Variants in KLHL18 observed in about 807,000 individuals in gnomAD.
The protein encoded by KLHL18 is kelch like family member 18.
A neutral mutation model predicts 58.5 loss-of-function variants in KLHL18; 38 were observed. That is an observed-to-expected ratio of 0.65 (90% CI 0.50 to 0.85). KLHL18 has a LOEUF of 0.85. KLHL18 is among the 40% of genes least tolerant of loss of function. The pLI is 0.00. For synonymous variants in KLHL18, 303 were observed against 301.9 expected, an observed-to-expected ratio of 1.00 and a Z score of -0.04; for missense variants, 624 against 778.4, an observed-to-expected ratio of 0.80 and a Z score of 2.36.
At position 47,336,658 on chromosome 3, in the gene KLHL18, TCGGAGGATATGACGGC is replaced by T; in HGVS notation, c.1024_1039del (p.Gly342SerfsTer4). ...GTGGTGAACGGGCTTCTCTATGCCA[TCGGAGGATATGACGGC>T]CAGCTACGGCTGAGCACTGTGGAGG... On this transcript the variant is annotated frameshift_variant, in exon 7 of 10. Transcript: ENST00000232766. LOFTEE classifies it high-confidence loss of function. 6.2e-7 allele frequency: 1 copy of T among 1,614,194 alleles called. No homozygotes were observed. The highest frequency in any genetic ancestry group is 8.5e-7 in the Non-Finnish European group (1 of 1,180,042).
chr3:47,300,782 G>C (rs1377019116), intron 1 of KLHL18, among the ~76,000 whole-genome samples: 1 of 151,670 alleles, frequency 6.6e-6, no homozygotes, highest in Non-Finnish European at 1.5e-5. Context: ...TAGGATTCTA[G>C]GATGCGCCAC....
chr3:47,302,322 T>TA (rs1162605150), intron 1 of KLHL18, among the ~76,000 whole-genome samples: 8 of 152,058 alleles, frequency 5.3e-5, no homozygotes, highest in Admixed American at 3.9e-4. Flanking sequence ...CTGTCTCTAC[T>TA]AAAAATACAA....
At chr3:47,323,755 G>A (rs1481892391) in intron 3 of KLHL18, among the ~76,000 whole-genome samples, 1 of 152,152 alleles carries the variant, frequency 6.6e-6, no homozygotes, top group Non-Finnish European at 1.5e-5. Flanking sequence ...GCCTTCACCT[G>A]AGCCTACTCT....
rs755657146 is a variant in KLHL18 at position 47,319,791 on chromosome 3, A to ATC, written c.260+9_260+10dup. 13 of 1,612,496 alleles carry ATC rather than the reference A, an allele frequency of 8.1e-6. No homozygotes were observed. The Middle Eastern group carries it at 9.9e-4, about 122-fold the overall frequency. ...GCAAGGAATGGACCCAAGGTACTGA[A>ATC]TCCCACCATTAGGTTTCGCAGGCTG... On this transcript the variant is annotated intron_variant, in intron 2 of 9. Transcript: ENST00000232766.
In KLHL18 at chr3:47,282,955, G is replaced by T; in HGVS notation, c.-11G>T. 1 of 1,607,202 alleles carries T rather than the reference G, an allele frequency of 6.2e-7. No individual in the cohort carries two copies. Among genetic ancestry groups the T allele is most frequent in the South Asian group, 1.1e-5 (1 of 89,854 alleles). ...CCGGCGAGGCCTGCGCAGTTGCAGCGGCCGGGGAAGATGGTGGAGGACGGC... is the reference window on the plus strand; with the variant it reads ...CCGGCGAGGCCTGCGCAGTTGCAGCTGCCGGGGAAGATGGTGGAGGACGGC... On this transcript the variant is annotated 5_prime_UTR_variant, in exon 1 of 10. Coordinates refer to ENST00000232766, the MANE Select transcript of KLHL18 (RefSeq NM_025010.5).
chr3:47,329,250 C>T (rs188853043), intron 3 of KLHL18, among the ~76,000 whole-genome samples: 19 of 151,916 alleles, frequency 1.3e-4, no homozygotes, highest in African/African-American at 4.3e-4. Context: ...TGTTTTGAGA[C>T]GGAGTCTTGC....
intron 1 of KLHL18, among the ~76,000 whole-genome samples, chr3:47,307,669 C>T (rs942765233): frequency 5.3e-5 from 8 of 152,054 alleles, no homozygotes; most frequent in South Asian, 4.1e-4. Flanking sequence ...GGATTGTAGG[C>T]GTGAGCCACT....
At position 47,333,292 on chromosome 3, in the gene KLHL18, C is replaced by G; in HGVS notation, c.736C>G (p.Leu246Val). The G allele has an allele frequency of 1.2e-6, 2 of 1,614,004 alleles. No homozygotes were observed. The highest frequency in any genetic ancestry group is 1.1e-5 in the South Asian group (1 of 91,062). Residue 246 changes from leucine to valine, a missense_variant, in exon 5 of 10, where the codon CTG becomes GTG. Physicochemically the swap from Leu to Val is conservative, Grantham distance 32. Coordinates refer to ENST00000232766, the MANE Select transcript of KLHL18 (RefSeq NM_025010.5). ...FLSDRVQQDD[L>V]VRCCHKCRDL... is the part of the protein sequence containing the mutation. Reference sequence around the variant, plus strand: ...TTCAGACAGAGTACAGCAGGATGACCTGGTGCGTTGCTGCCACAAATGCAG... The same window carrying G: ...TTCAGACAGAGTACAGCAGGATGACGTGGTGCGTTGCTGCCACAAATGCAG...
intron 1 of KLHL18, among the ~76,000 whole-genome samples, chr3:47,289,517 G>C (rs1164076268): frequency 6.6e-6 from 1 of 152,220 alleles, no homozygotes; most frequent in Non-Finnish European, 1.5e-5. Context: ...GGTGGAGAAG[G>C]ATATGAGGAA....
intron 2 of KLHL18, 65 bp from the exon 3 acceptor site, chr3:47,322,503 C>A: frequency 6.8e-7 from 1 of 1,470,414 alleles, no homozygotes; most frequent in Non-Finnish European, 9.1e-7. Context: ...CAGTTAGGGC[C>A]TGAGTCTCCC....
chr3:47,332,521 CTG>C (rs1390927528), intron 4 of KLHL18, among the ~76,000 whole-genome samples: 2 of 137,870 alleles, frequency 1.5e-5, no homozygotes, highest in Non-Finnish European at 3.0e-5. Context: ...AGCATAGACA[CTG>C]TGGTTTCGAG....
In KLHL18 at chr3:47,343,825, A is replaced by T. The variant is rs1262839688; in HGVS notation, c.1609A>T (p.Asn537Tyr). The part of the protein sequence containing the change: ...YAVGGYDGQS[N>Y]LSSVEMYDPE... ...TGTTGGGGGCTACGACGGACAGTCAAACCTAAGCTCAGTGGAGATGTATGA... is the reference window on the plus strand; with the variant it reads ...TGTTGGGGGCTACGACGGACAGTCATACCTAAGCTCAGTGGAGATGTATGA... The change falls in exon 10 of 10, where the codon AAC (asparagine) becomes TAC (tyrosine). Residue 537 changes from asparagine to tyrosine, a missense_variant. Coordinates refer to ENST00000232766, the MANE Select transcript of KLHL18 (RefSeq NM_025010.5). The T allele has an allele frequency of 6.2e-7, 1 of 1,614,064 alleles. No homozygotes were observed. The highest frequency in any genetic ancestry group is 8.5e-7 in the Non-Finnish European group (1 of 1,180,034).
intron 2 of KLHL18, 54 bp from the exon 3 acceptor site, chr3:47,322,514 G>A (rs138629823): frequency 3.7e-5 from 56 of 1,503,796 alleles, no homozygotes; most frequent in Admixed American, 2.8e-4. Context: ...TGAGTCTCCC[G>A]TGGGCCAAGA....
intron 1 of KLHL18, among the ~76,000 whole-genome samples, chr3:47,289,829 T>G (rs555705937): frequency 6.6e-6 from 1 of 152,206 alleles, no homozygotes; most frequent in Non-Finnish European, 1.5e-5. Flanking sequence ...AAAGCTATCA[T>G]TTTACATGTG....
At chr3:47,338,388 A>G (rs1704032700) in intron 7 of KLHL18, 1 of 152,220 alleles carries the variant, frequency 6.6e-6, no homozygotes, top group African/African-American at 2.4e-5. Flanking sequence ...GATAGTGATC[A>G]TGTCTAGTAA....
rs543715145 is a variant in KLHL18, at chr3:47,292,222, C to T, written c.129+9128C>T. ...CAAAAATGCTTTTCACGCCTGTAAT[C>T]CCAGCACTTTGGGAGGCCAGGGTGG... On this transcript the variant is annotated intron_variant, in intron 1 of 9. Coordinates refer to ENST00000232766, the MANE Select transcript of KLHL18 (RefSeq NM_025010.5). Among the ~76,000 whole-genome samples the T allele has an allele frequency of 1.7e-4, 26 of 152,280 alleles. No individual in the cohort carries two copies. The East Asian group carries it at 5.0e-3, about 29-fold the overall frequency.
chr3:47,293,311 T>C (rs1702828274), intron 1 of KLHL18, among the ~76,000 whole-genome samples: 1 of 152,208 alleles, frequency 6.6e-6, no homozygotes, highest in African/African-American at 2.4e-5. Flanking sequence ...CAAAAGATAA[T>C]TAGCTCAAGA....
At chr3:47,342,643 A>G in intron 8 of KLHL18, 76 bp from the exon 9 acceptor site, 1 of 1,200,964 alleles carries the variant, frequency 8.3e-7, no homozygotes. Flanking sequence ...GTTCACCTAA[A>G]CCCTGCTAGG....
At chr3:47,340,392 G>A (rs2107663479) in intron 7 of KLHL18, among the ~76,000 whole-genome samples, 180 bp from the exon 8 acceptor site, 1 of 152,200 alleles carries the variant, frequency 6.6e-6, no homozygotes, top group South Asian at 2.1e-4. Flanking sequence ...GTAGAAGGGT[G>A]GGGCACAAGA....
Sources: gnomAD v4.1 joint callset for allele counts (sites outside exome capture counted in the v4.1 genomes callset) on GRCh38, gnomAD v4.1.1 for gene constraint, MANE v1.5 for transcripts, NCBI Gene and HGNC (gene_info 2026-07-23, HGNC 2026-07-21) for gene names.